Variants in ROBO2 observed in about 807,000 individuals in gnomAD.
ROBO2 encodes roundabout guidance receptor 2.
ROBO2 carries 53 observed loss-of-function variants against 160.8 expected under a neutral mutation model. The ratio of observed to expected loss-of-function variants is 0.33; its 90% confidence interval spans 0.26 to 0.41. The LOEUF (loss-of-function observed/expected upper bound fraction) is 0.41, where lower values mean the gene tolerates loss of function less well. ROBO2 is among the 10% of genes least tolerant of loss of function. ROBO2 has a pLI of 1.00. For synonymous variants in ROBO2, 664 were observed against 611.7 expected, an observed-to-expected ratio of 1.09 and a Z score of -1.26; for missense variants, 1,577 against 1,722.4, an observed-to-expected ratio of 0.92 and a Z score of 1.49.
chr3:76,719,791 C>A (rs554510786), intron 2 of ROBO2, among the ~76,000 whole-genome samples: 1 of 150,264 alleles, frequency 6.7e-6, no homozygotes, highest in Non-Finnish European at 1.5e-5. Flanking sequence ...GGCTGAGGCA[C>A]GAGAATCGCT....
intron 19 of ROBO2, 38 bp downstream of exon 20, chr3:77,596,788 T>C: frequency 1.3e-6 from 2 of 1,547,788 alleles, no homozygotes; most frequent in Non-Finnish European, 8.6e-7. Flanking sequence ...ATTTGAGTTC[T>C]CTCTCTCTTT....
chr3:76,675,338 A>C (rs969982487), intron 2 of ROBO2, among the ~76,000 whole-genome samples: 4 of 152,228 alleles, frequency 2.6e-5, no homozygotes, highest in African/African-American at 9.6e-5. Context: ...GAAATCAGAG[A>C]GTACTCGAAG....
chr3:76,012,121 G>A (rs371326470), intron 2 of ROBO2, among the ~76,000 whole-genome samples: 1 of 152,258 alleles, frequency 6.6e-6, no homozygotes, highest in East Asian at 1.9e-4. Flanking sequence ...TGTAGAGGTA[G>A]GAAACCAATC....
At chr3:77,407,641 A>C (rs375338478) in intron 2 of ROBO2, among the ~76,000 whole-genome samples, 1 of 152,356 alleles carries the variant, frequency 6.6e-6, no homozygotes, top group East Asian at 1.9e-4. Flanking sequence ...AAGGTGAAAC[A>C]TGAGGTAATT....
At chr3:76,091,508 G>A (rs1363994932) in intron 2 of ROBO2, among the ~76,000 whole-genome samples, 1 of 152,124 alleles carries the variant, frequency 6.6e-6, no homozygotes, top group Non-Finnish European at 1.5e-5. Context: ...CGCTTTGGAA[G>A]ACCGTTTTGC....
At chr3:76,415,354 G>C (rs536147671) in intron 2 of ROBO2, among the ~76,000 whole-genome samples, 5 of 152,118 alleles carry the variant, frequency 3.3e-5, no homozygotes, top group Admixed American at 2.6e-4. Context: ...TGTCTGAAAG[G>C]CTCTGAAGAA....
At chr3:76,025,212 T>C (rs1208492912) in intron 2 of ROBO2, among the ~76,000 whole-genome samples, 2 of 151,586 alleles carry the variant, frequency 1.3e-5, no homozygotes, top group Non-Finnish European at 3.0e-5. Context: ...CAAGATGTTA[T>C]TGTTTTTTTA....
At chr3:76,382,356 A>C (rs543526834) in intron 2 of ROBO2, among the ~76,000 whole-genome samples, 1 of 152,270 alleles carries the variant, frequency 6.6e-6, no homozygotes, top group South Asian at 2.1e-4. Flanking sequence ...TGGGAGGCCG[A>C]GGCAGGCGGA....
intron 2 of ROBO2, among the ~76,000 whole-genome samples, chr3:76,762,875 C>A (rs969311328): frequency 6.6e-6 from 1 of 151,666 alleles, no homozygotes; most frequent in Non-Finnish European, 1.5e-5. Context: ...TATATTTCAA[C>A]AATGACAAAG....
intron 2 of ROBO2, among the ~76,000 whole-genome samples, chr3:77,290,031 G>C (rs1400205895): frequency 2.0e-5 from 3 of 151,378 alleles, no homozygotes; most frequent in African/African-American, 7.3e-5. Context: ...AAGTAAAATT[G>C]ACGATTAAAT....
chr3:76,301,026 G>T (rs1424156350), intron 2 of ROBO2, among the ~76,000 whole-genome samples: 1 of 152,096 alleles, frequency 6.6e-6, no homozygotes, highest in Non-Finnish European at 1.5e-5. Flanking sequence ...GTTATGTTTA[G>T]TTCAGCTTGA....
intron 6 of ROBO2, among the ~76,000 whole-genome samples, chr3:77,536,508 C>G (rs925753570): frequency 2.0e-5 from 3 of 151,976 alleles, no homozygotes; most frequent in Admixed American, 6.6e-5. Context: ...AGAAGGCCAA[C>G]TGAGTCAAGT....
intron 20 of ROBO2, among the ~76,000 whole-genome samples, chr3:77,604,991 C>A (rs1583231369): frequency 2.0e-5 from 3 of 151,598 alleles, no homozygotes; most frequent in African/African-American, 7.2e-5. Context: ...CATGGTGAAA[C>A]CCCATCTCTG....
At chr3:77,422,537 C>T (rs2153533498) in intron 2 of ROBO2, among the ~76,000 whole-genome samples, 1 of 152,278 alleles carries the variant, frequency 6.6e-6, no homozygotes, top group South Asian at 2.1e-4. Context: ...ACTAGTGTTT[C>T]ATAAATTAGA....
chr3:76,532,579 T>C (rs2082286857), intron 2 of ROBO2, among the ~76,000 whole-genome samples: 1 of 152,218 alleles, frequency 6.6e-6, no homozygotes, highest in Admixed American at 6.5e-5. Flanking sequence ...TGCCACTTTA[T>C]ATTCTGTGTC....
chr3:76,403,445 A>G (rs1304262896), intron 2 of ROBO2, among the ~76,000 whole-genome samples: 1 of 151,648 alleles, frequency 6.6e-6, no homozygotes, highest in Non-Finnish European at 1.5e-5. Context: ...GATTCTGAAC[A>G]ATAAAGACAG....
chr3:76,667,323 T>C (rs992289521), intron 2 of ROBO2, among the ~76,000 whole-genome samples: 1 of 152,156 alleles, frequency 6.6e-6, no homozygotes, highest in Non-Finnish European at 1.5e-5. Flanking sequence ...ACACCCAATA[T>C]CAACAAGATT....
At chr3:76,967,540 T>TA (rs1559777627) in intron 2 of ROBO2, among the ~76,000 whole-genome samples, 3 of 97,802 alleles carry the variant, frequency 3.1e-5, no homozygotes, top group Non-Finnish European at 6.0e-5. Context: ...TTTTTTTTTT[T>TA]AAACAATGTT....
At chr3:76,106,600 A>C (rs1208244396) in intron 2 of ROBO2, among the ~76,000 whole-genome samples, 2 of 152,064 alleles carry the variant, frequency 1.3e-5, no homozygotes, top group African/African-American at 4.8e-5. Flanking sequence ...ACTCTCTTCC[A>C]TGGCCTCAAA....
Sources: gnomAD v4.1 joint callset for allele counts (sites outside exome capture counted in the v4.1 genomes callset) on GRCh38, gnomAD v4.1.1 for gene constraint, MANE v1.5 for transcripts, NCBI Gene and HGNC (gene_info 2026-07-23, HGNC 2026-07-21) for gene names.